Variants in FRMD4B observed in about 807,000 individuals in gnomAD.
FRMD4B encodes the protein FERM domain containing 4B.
FRMD4B carries 74 observed loss-of-function variants against 141.5 expected under a neutral mutation model. The observed-to-expected ratio is 0.52, with a 90% CI of 0.43 to 0.63. The LOEUF (loss-of-function observed/expected upper bound fraction) is 0.63, where lower values mean the gene tolerates loss of function less well. Among genes scored for constraint, FRMD4B ranks in the 30% least tolerant of loss-of-function variants. The pLI is 0.00. For synonymous variants in FRMD4B, 506 were observed against 467.9 expected (o/e 1.08, Z -1.05); for missense variants, 1,366 against 1,253.4 (o/e 1.09, Z -1.36).
intron 8 of FRMD4B, among the ~76,000 whole-genome samples, chr3:69,223,875 T>A (rs1240975172): frequency 2.0e-5 from 3 of 152,154 alleles, no homozygotes; most frequent in Admixed American, 6.6e-5. Context: ...GAAAATGACA[T>A]GGCTAGAAGT....
At chr3:69,246,843 C>A (rs1432208362) in intron 7 of FRMD4B, among the ~76,000 whole-genome samples, 4 of 152,238 alleles carry the variant, frequency 2.6e-5, no homozygotes, top group African/African-American at 7.2e-5. Flanking sequence ...AAGGTCTGGA[C>A]TGGGCTTGCC....
chr3:69,282,261 T>G (rs1460231858), intron 5 of FRMD4B, among the ~76,000 whole-genome samples: 1 of 152,230 alleles, frequency 6.6e-6, no homozygotes, highest in African/African-American at 2.4e-5. Flanking sequence ...AGGCGAAAGC[T>G]GTCTGGCAGA....
chr3:69,314,932 G>C (rs1462470318), intron 1 of FRMD4B, among the ~76,000 whole-genome samples: 1 of 152,132 alleles, frequency 6.6e-6, no homozygotes, highest in Non-Finnish European at 1.5e-5. Context: ...AAGAGGCTGA[G>C]GTGGGAGGAT....
intron 1 of FRMD4B, among the ~76,000 whole-genome samples, chr3:69,377,461 G>A (rs2872805): frequency 0.3 from 45,218 of 152,196 alleles, 6,898 homozygotes; most frequent in African/African-American, 0.36. Flanking sequence ...CCTTGCTTCA[G>A]TGCAGGCTTT....
intron 3 of FRMD4B, among the ~76,000 whole-genome samples, chr3:69,304,956 TA>T (rs1439394446): frequency 6.6e-6 from 1 of 152,144 alleles, no homozygotes; most frequent in African/African-American, 2.4e-5. Flanking sequence ...AAAATGAGCA[TA>T]AATAATAATA....
At chr3:69,355,666 G>A (rs191483854) in intron 1 of FRMD4B, among the ~76,000 whole-genome samples, 1 of 152,124 alleles carries the variant, frequency 6.6e-6, no homozygotes, top group Non-Finnish European at 1.5e-5. Flanking sequence ...ACCAAATTAG[G>A]GGGGAGGCTG....
At chr3:69,205,767 A>G (rs981604054) in intron 11 of FRMD4B, among the ~76,000 whole-genome samples, 4 of 152,150 alleles carry the variant, frequency 2.6e-5, no homozygotes, top group African/African-American at 9.7e-5. Flanking sequence ...AGATTGGGAA[A>G]CCCTGACTTA....
At chr3:69,351,237 A>G (rs1265694004) in intron 1 of FRMD4B, among the ~76,000 whole-genome samples, 1 of 152,212 alleles carries the variant, frequency 6.6e-6, no homozygotes, top group Admixed American at 6.5e-5. Flanking sequence ...CCAGTTTAGG[A>G]AAATATTGCA....
intron 1 of FRMD4B, among the ~76,000 whole-genome samples, chr3:69,456,128 G>C (rs1705606757): frequency 2.0e-5 from 3 of 151,986 alleles, no homozygotes; most frequent in Admixed American, 2.0e-4. Flanking sequence ...ATCACAGGAT[G>C]CCCCCAGAGA....
upstream of FRMD4B, among the ~76,000 whole-genome samples, chr3:69,388,067 G>A (rs79342229): frequency 7.0e-3 from 1,070 of 151,994 alleles, 14 homozygotes; most frequent in African/African-American, 0.022. Flanking sequence ...CTATTAGTAC[G>A]AGCAAATGGT....
intron 1 of FRMD4B, among the ~76,000 whole-genome samples, chr3:69,362,013 T>A (rs1703483983): frequency 6.6e-6 from 1 of 152,214 alleles, no homozygotes; most frequent in Non-Finnish European, 1.5e-5. Flanking sequence ...AATGTGGTAT[T>A]ATAGGTCTTC....
At chr3:69,536,642 T>C in intron 1 of FRMD4B, 2 of 1,009,676 alleles carry the variant, frequency 2.0e-6, no homozygotes, top group Non-Finnish European at 1.5e-6. Flanking sequence ...ATGATCCTGC[T>C]GTGGAAGTCG....
At chr3:69,473,048 T>A (rs1705923894) in intron 1 of FRMD4B, among the ~76,000 whole-genome samples, 2 of 151,432 alleles carry the variant, frequency 1.3e-5, no homozygotes, top group Non-Finnish European at 2.9e-5. Flanking sequence ...ATAGGGGGGT[T>A]ATGCTCATTA....
At chr3:69,430,697 G>A (rs796382347) in intron 2 of FRMD4B, among the ~76,000 whole-genome samples, 9 of 152,280 alleles carry the variant, frequency 5.9e-5, no homozygotes, top group East Asian at 1.9e-4. Context: ...TGGTAGTAAC[G>A]AGTGCTATAA....
intron 9 of FRMD4B, among the ~76,000 whole-genome samples, chr3:69,220,683 C>T (rs1238736485): frequency 6.6e-6 from 1 of 152,176 alleles, no homozygotes; most frequent in Non-Finnish European, 1.5e-5. Context: ...GAAACCCTGT[C>T]TCTACTAAAA....
chr3:69,535,096 C>T (rs1701064784), intron 1 of FRMD4B, among the ~76,000 whole-genome samples: 1 of 152,142 alleles, frequency 6.6e-6, no homozygotes, highest in Admixed American at 6.5e-5. Flanking sequence ...TTATAATCCC[C>T]ACTTTATAGA....
At chr3:69,210,524 G>C (rs2093065195) in intron 11 of FRMD4B, among the ~76,000 whole-genome samples, 1 of 151,828 alleles carries the variant, frequency 6.6e-6, no homozygotes, top group Non-Finnish European at 1.5e-5. Flanking sequence ...CTAAGAGTTT[G>C]CAATGACATA....
At chr3:69,412,782 C>G (rs1309583686) in intron 2 of FRMD4B, among the ~76,000 whole-genome samples, 1 of 149,548 alleles carries the variant, frequency 6.7e-6, no homozygotes, top group Non-Finnish European at 1.5e-5. Context: ...GCTGGGGCCT[C>G]TGAGTGGATG....
intron 5 of FRMD4B, among the ~76,000 whole-genome samples, chr3:69,269,371 G>A (rs1251473867): frequency 6.6e-6 from 1 of 151,886 alleles, no homozygotes; most frequent in Non-Finnish European, 1.5e-5. Flanking sequence ...CTGTGAGGAG[G>A]TAATGTTATC....
Sources: allele counts gnomAD v4.1 joint callset (sites outside exome capture counted in the v4.1 genomes callset), GRCh38; gene constraint gnomAD v4.1.1; transcripts MANE v1.5; gene names NCBI Gene and HGNC (gene_info 2026-07-23, HGNC 2026-07-21).